The following ZFHX3 variants were observed in gnomAD, a reference collection of about 807,000 sequenced individuals.
ZFHX3 encodes the protein zinc finger homeobox 3.
Under a neutral mutation model 279.1 loss-of-function variants are expected in ZFHX3, and 42 were observed. The observed-to-expected ratio is 0.15, with a 90% confidence interval of 0.12 to 0.19. The LOEUF (loss-of-function observed/expected upper bound fraction) is 0.19. Ranked by LOEUF, ZFHX3 falls within the 10% of genes least tolerant of loss-of-function variation. The pLI is 1.00. For synonymous variants in ZFHX3, 2,293 were observed against 1,957.8 expected, an observed-to-expected ratio of 1.17 and a Z score of -4.52; for missense variants, 4,981 against 4,754.0, an observed-to-expected ratio of 1.05 and a Z score of -1.40.
intron 1 of ZFHX3, among the ~76,000 whole-genome samples, chr16:73,779,726 T>C (rs1959386379): frequency 6.6e-6 from 1 of 152,166 alleles, no homozygotes; most frequent in Admixed American, 6.5e-5. Flanking sequence ...TCCCAAGCCT[T>C]TCCTTTTTTT....
intron 3 of ZFHX3, among the ~76,000 whole-genome samples, chr16:72,917,520 A>G (rs999496617): frequency 1.3e-5 from 2 of 152,246 alleles, no homozygotes; most frequent in African/African-American, 4.8e-5. Flanking sequence ...CAGTAACTAA[A>G]TTGCAGCACC....
chr16:72,915,583 A>G (rs1025591015), intron 3 of ZFHX3, among the ~76,000 whole-genome samples: 8 of 151,490 alleles, frequency 5.3e-5, no homozygotes, highest in Non-Finnish European at 8.9e-5. Context: ...ACAAGGCAAG[A>G]TCCAGTCTCT....
chr16:73,478,316 A>G (rs776623785), intron 2 of ZFHX3, among the ~76,000 whole-genome samples: 3 of 151,782 alleles, frequency 2.0e-5, no homozygotes, highest in Non-Finnish European at 4.4e-5. Flanking sequence ...GCCATATGAC[A>G]TGCCTGAACA....
intron 1 of ZFHX3, among the ~76,000 whole-genome samples, chr16:73,748,159 T>C (rs1457744943): frequency 6.6e-6 from 1 of 152,078 alleles, no homozygotes; most frequent in African/African-American, 2.4e-5. Flanking sequence ...TTTTCATCAA[T>C]GAAATGGAAA....
At chr16:73,152,152 ACAAGT>A (rs968440782) in intron 5 of ZFHX3, among the ~76,000 whole-genome samples, 1 of 152,194 alleles carries the variant, frequency 6.6e-6, no homozygotes. Context: ...CATTCAAACA[ACAAGT>A]CAAGACCCTG....
chr16:73,604,324 C>G (rs1405982544), intron 2 of ZFHX3, among the ~76,000 whole-genome samples: 8 of 152,090 alleles, frequency 5.3e-5, no homozygotes, highest in African/African-American at 1.7e-4. Context: ...CAAATAAACA[C>G]TATTTTTAAA....
chr16:73,235,156 G>T (rs1242861162), intron 5 of ZFHX3, among the ~76,000 whole-genome samples: 1 of 151,986 alleles, frequency 6.6e-6, no homozygotes. Context: ...TGCAACCTCT[G>T]TCTCCTAGGT....
intron 5 of ZFHX3, among the ~76,000 whole-genome samples, chr16:73,220,374 T>A (rs2144919615): frequency 6.6e-6 from 1 of 151,930 alleles, no homozygotes; most frequent in East Asian, 1.9e-4. Context: ...AACAATAAAA[T>A]AAAATTTTGA....
chr16:73,503,255 C>T (rs2019269905), intron 2 of ZFHX3, among the ~76,000 whole-genome samples: 1 of 152,238 alleles, frequency 6.6e-6, no homozygotes, highest in African/African-American at 2.4e-5. Context: ...CACATTGTAA[C>T]ATCTATATGT....
chr16:73,447,698 G>A (rs1423922276), intron 3 of ZFHX3, among the ~76,000 whole-genome samples: 1 of 152,160 alleles, frequency 6.6e-6, no homozygotes, highest in Non-Finnish European at 1.5e-5. Flanking sequence ...CTGCTGCTAA[G>A]AGGAAAGAAG....
At chr16:73,258,043 A>C (rs2013708283) in intron 4 of ZFHX3, among the ~76,000 whole-genome samples, 2 of 152,194 alleles carry the variant, frequency 1.3e-5, no homozygotes. Flanking sequence ...ACAGGTCTCC[A>C]GATTTTGCCA....
In ZFHX3 at chr16:72,787,135, C is replaced by T. The variant is rs1397604346; in HGVS notation, c.*29G>A. On this transcript the variant is annotated 3_prime_UTR_variant, in exon 10 of 10. Transcript: ENST00000268489. ...TGTTATTAATTTTTGTATTTAAATTCATTTGTTTGTATTGTTCATCTTCAA... is the reference window on the plus strand; with the variant it reads ...TGTTATTAATTTTTGTATTTAAATTTATTTGTTTGTATTGTTCATCTTCAA... 3 of 1,280,536 alleles carry T rather than the reference C, an allele frequency of 2.3e-6. No individual in the cohort carries two copies. The highest frequency in any genetic ancestry group is 2.7e-5 in the South Asian group (1 of 36,868). The allele number at this position is 1,280,536 out of a possible 1,614,324, so 79.3% of individuals were successfully genotyped here.
In ZFHX3 at chr16:72,824,486, A is replaced by C. The variant is rs146720993; in HGVS notation, c.3529+5293T>G. On this transcript the variant is annotated intron_variant, in intron 5 of 9. Transcript: ENST00000268489. ...AACTCAAAAATTTACAAAAATATGA[A>C]CGTCAGGGATTTTTGAAGCATTATT... 2.6e-3 allele frequency among the ~76,000 whole-genome samples: 391 copies of C among 152,326 alleles called. 3 individuals are homozygous for C. Among genetic ancestry groups the C allele is most frequent in the African/African-American group, 9.1e-3 (379 of 41,572 alleles).
chr16:72,863,848 T>TA (rs1310194512), intron 4 of ZFHX3, among the ~76,000 whole-genome samples: 1 of 152,140 alleles, frequency 6.6e-6, no homozygotes, highest in African/African-American at 2.4e-5. Flanking sequence ...TTCATTTTTT[T>TA]AAAAAAGTTC....
chr16:73,464,012 G>C (rs1359536564), intron 2 of ZFHX3, among the ~76,000 whole-genome samples: 1 of 152,190 alleles, frequency 6.6e-6, no homozygotes, highest in Non-Finnish European at 1.5e-5. Context: ...TGTGGATGCA[G>C]AAATGAACAT....
intron 2 of ZFHX3, among the ~76,000 whole-genome samples, chr16:73,607,189 T>C (rs2052197369): frequency 6.6e-6 from 1 of 152,070 alleles, no homozygotes; most frequent in Non-Finnish European, 1.5e-5. Flanking sequence ...CCACCATGCC[T>C]GGCTAATTTT....
chr16:73,112,236 G>T (rs536854266), intron 7 of ZFHX3, among the ~76,000 whole-genome samples: 1 of 151,908 alleles, frequency 6.6e-6, no homozygotes, highest in Non-Finnish European at 1.5e-5. Flanking sequence ...AGAGGGGTGG[G>T]ATAATGAGAG....
In ZFHX3 at chr16:72,798,385, G is replaced by C; in HGVS notation, c.4297C>G (p.Leu1433Val). Residue 1433 changes from leucine (L) to valine (V), a missense_variant, in exon 9 of 10, where the codon CTT becomes GTT. Leu to Val is a conservative substitution (Grantham distance 32, BLOSUM62 1). Coordinates refer to ENST00000268489, the MANE Select transcript of ZFHX3 (RefSeq NM_006885.4). ...HVIRAATMCC[L>V]CQRSFRTFQA... ...AAAGTTCGGAAACTGCGCTGACAAAGACAGCACATGGTGGCAGCTCTGATC... is the reference window on the plus strand; with the variant it reads ...AAAGTTCGGAAACTGCGCTGACAAACACAGCACATGGTGGCAGCTCTGATC... The C allele has an allele frequency of 6.2e-7, 1 of 1,614,232 alleles. No homozygotes were observed. Among genetic ancestry groups the C allele is most frequent in the East Asian group, 2.2e-5 (1 of 44,874 alleles).
chr16:73,166,771 A>AATAT (rs1236431239), intron 5 of ZFHX3, among the ~76,000 whole-genome samples: 1 of 152,238 alleles, frequency 6.6e-6, no homozygotes, highest in African/African-American at 2.4e-5. Flanking sequence ...AACCTTCATG[A>AATAT]ATATGGCCAG....
Sources: allele counts gnomAD v4.1 joint callset (sites outside exome capture counted in the v4.1 genomes callset), GRCh38; gene constraint gnomAD v4.1.1; transcripts MANE v1.5; gene names NCBI Gene and HGNC (gene_info 2026-07-23, HGNC 2026-07-21).